Variants in SSPN observed in about 807,000 individuals in gnomAD.
SSPN encodes the protein K-ras oncogene-associated protein.
In SSPN, 15 loss-of-function variants were observed where a neutral mutation model predicts 19.1. That is an observed-to-expected ratio of 0.78 (90% CI 0.52 to 1.21). The LOEUF (loss-of-function observed/expected upper bound fraction) is 1.21, where lower values mean the gene tolerates loss of function less well. SSPN is among the 50% of genes most tolerant of loss of function. The probability of loss-of-function intolerance (pLI) is 0.00; values close to 1 mark genes in which losing one functional copy is unlikely to be tolerated. For missense variants in SSPN, 291 were observed against 314.0 expected (o/e 0.93, Z 0.55); for synonymous variants, 147 against 140.3 (o/e 1.05, Z -0.34).
intron 1 of SSPN, among the ~76,000 whole-genome samples, chr12:26,199,596 T>C (rs1017822251): frequency 1.3e-5 from 2 of 152,242 alleles, no homozygotes; most frequent in African/African-American, 2.4e-5. Context: ...TGTTAATGGC[T>C]TTAGTAGCTA....
chr12:26,122,615 CGCCGCCGCCGCGCCGCCCCCCGG>C (rs775321769), intron 1 of SSPN: 13 of 1,136,432 alleles, frequency 1.1e-5, no homozygotes, highest in Admixed American at 4.9e-5. Context: ...GCGCGGCTGC[CGCCGCCGCCGCGCCGCCCCCCGG>C]GCCGCCGCCG....
At chr12:26,143,757 A>G (rs972293803) in intron 1 of SSPN, among the ~76,000 whole-genome samples, 2 of 152,236 alleles carry the variant, frequency 1.3e-5, no homozygotes, top group African/African-American at 4.8e-5. Context: ...CCTAACCCCC[A>G]CAGCAGGAGG....
At chr12:26,149,899 G>T (rs1944515001) in intron 1 of SSPN, among the ~76,000 whole-genome samples, 1 of 151,948 alleles carries the variant, frequency 6.6e-6, no homozygotes, top group Non-Finnish European at 1.5e-5. Context: ...AGTGAACCAT[G>T]ATGCACCTGA....
chr12:26,200,489 A>G (rs535460467), intron 1 of SSPN, among the ~76,000 whole-genome samples: 1 of 152,360 alleles, frequency 6.6e-6, no homozygotes, highest in South Asian at 2.1e-4. Context: ...ACAAGCAGAC[A>G]TATCACATAT....
chr12:26,135,861 A>G (rs1046183229), intron 1 of SSPN, among the ~76,000 whole-genome samples: 1 of 152,130 alleles, frequency 6.6e-6, no homozygotes, highest in African/African-American at 2.4e-5. Context: ...CAATTTTGTC[A>G]TTGGATAATG....
At chr12:26,179,919 C>CTTTTTTTTTTTTTTTTT (rs10591596) in intron 1 of SSPN, 5 of 68,268 alleles carry the variant, frequency 7.3e-5, no homozygotes, top group South Asian at 6.3e-4. Context: ...TTTAGCTAGG[C>CTTTTTTTTTTTTTTTTT]TTTTTTTTTT....
At chr12:26,210,428 C>G (rs761799514) in intron 1 of SSPN, among the ~76,000 whole-genome samples, 2 of 152,058 alleles carry the variant, frequency 1.3e-5, no homozygotes, top group Non-Finnish European at 2.9e-5. Context: ...AAGATCTATA[C>G]ACTGCAGTTG....
chr12:26,224,316 C>G lies in SSPN; in HGVS notation c.303C>G (p.Gly101=). 1 of 1,613,966 alleles carries G rather than the reference C, an allele frequency of 6.2e-7. No homozygotes were observed. Among genetic ancestry groups the G allele is most frequent in the Non-Finnish European group, 8.5e-7 (1 of 1,179,912 alleles). The change falls in exon 2 of 3, where the codon GGC becomes GGG. Residue 101 remains glycine, a synonymous_variant. Coordinates refer to ENST00000242729, the MANE Select transcript of SSPN (RefSeq NM_005086.5). ...GIIVCLVAYL[G]LFMLCVSYQV... is the part of the protein sequence containing the mutation. ...AGGTCTGCTTAGTGGCCTATCTTGG[C>G]TTGTTTATGCTTTGTGTCTCATATC...
intron 1 of SSPN, among the ~76,000 whole-genome samples, chr12:26,182,279 C>T (rs1944723238): frequency 6.6e-6 from 1 of 152,140 alleles, no homozygotes; most frequent in African/African-American, 2.4e-5. Context: ...GAGTGGATAA[C>T]AGAAGATGAG....
At chr12:26,144,746 ATTTGTTGAAAGAATAGATGGT>A (rs1285994936) in intron 1 of SSPN, among the ~76,000 whole-genome samples, 1 of 152,168 alleles carries the variant, frequency 6.6e-6, no homozygotes, top group African/African-American at 2.4e-5. Flanking sequence ...CTCGGTAAAT[ATTTGTTGAAAGAATAGATGGT>A]TTTGTAGCAT....
chr12:26,140,422 C>A (rs1380764882), intron 1 of SSPN, among the ~76,000 whole-genome samples: 1 of 152,178 alleles, frequency 6.6e-6, no homozygotes, highest in Non-Finnish European at 1.5e-5. Context: ...ACAGTCCTCA[C>A]CATCTTCAGT....
intron 1 of SSPN, among the ~76,000 whole-genome samples, chr12:26,167,826 C>G (rs1944630483): frequency 6.6e-6 from 1 of 152,212 alleles, no homozygotes; most frequent in Admixed American, 6.5e-5. Context: ...CCATCTGTTA[C>G]ATTACATTGC....
At chr12:26,123,055 G>A (rs746027394) in intron 1 of SSPN, 1 of 1,583,984 alleles carries the variant, frequency 6.3e-7, no homozygotes, top group Non-Finnish European at 8.6e-7. Context: ...GGCTCCCTGG[G>A]TGTCCAGCTC....
At chr12:26,173,733 A>G (rs574936750) in intron 1 of SSPN, among the ~76,000 whole-genome samples, 3 of 152,332 alleles carry the variant, frequency 2.0e-5, no homozygotes, top group Admixed American at 1.3e-4. Context: ...AAGCCATTGT[A>G]TCTTCAAATT....
At chr12:26,167,807 A>G (rs368195042) in intron 1 of SSPN, among the ~76,000 whole-genome samples, 1 of 152,244 alleles carries the variant, frequency 6.6e-6, no homozygotes, top group Admixed American at 6.5e-5. Context: ...CTCCCCAGTC[A>G]GGAAAATGCC....
intron 1 of SSPN, among the ~76,000 whole-genome samples, chr12:26,137,243 A>C (rs1016112763): frequency 5.3e-5 from 8 of 152,226 alleles, no homozygotes; most frequent in African/African-American, 1.4e-4. Context: ...CAGGATTTGA[A>C]GAAAACACTG....
intron 1 of SSPN, chr12:26,124,535 T>C (rs956446187): frequency 1.9e-6 from 3 of 1,614,060 alleles, no homozygotes; most frequent in Non-Finnish European, 2.5e-6. Flanking sequence ...GTCGTCTCGT[T>C]TCATGCTCCT....
Position 26,145,181 on chromosome 12 carries a change from G to A in SSPN, c.-31+23029G>A, listed in dbSNP as rs1944482841. ...CAAGTCAGGTTCCCTCTGCAAACGAGCTTTATTTTCTCAAGCCAGTTCCTT... is the reference window on the plus strand; with the variant it reads ...CAAGTCAGGTTCCCTCTGCAAACGAACTTTATTTTCTCAAGCCAGTTCCTT... On this transcript the variant is annotated intron_variant, in intron 1 of 2. Transcript: ENST00000538142. Among the ~76,000 whole-genome samples the A allele has an allele frequency of 1.3e-5, 2 of 152,166 alleles. 1 individual carries two copies. The highest frequency in any genetic ancestry group is 3.9e-4 in the East Asian group (2 of 5,192).
intron 1 of SSPN, among the ~76,000 whole-genome samples, chr12:26,218,856 C>T (rs1945088790): frequency 1.3e-5 from 2 of 152,126 alleles, no homozygotes; most frequent in Non-Finnish European, 2.9e-5. Context: ...AATACTTTAT[C>T]TTAATGTATA....
Sources: gnomAD v4.1 joint callset for allele counts (sites outside exome capture counted in the v4.1 genomes callset) on GRCh38, gnomAD v4.1.1 for gene constraint, MANE v1.5 for transcripts, NCBI Gene and HGNC (gene_info 2026-07-23, HGNC 2026-07-21) for gene names.